The following DYSF variants were observed in gnomAD, a reference collection of about 807,000 sequenced individuals.
DYSF encodes the protein dystrophy-associated fer-1-like 1.
A neutral mutation model predicts 274.9 loss-of-function variants in DYSF; 212 were observed. The observed-to-expected ratio is 0.77, with a 90% CI of 0.69 to 0.86. DYSF has a LOEUF of 0.86. DYSF is among the 40% of genes least tolerant of loss of function. DYSF has a pLI of 0.00. For synonymous variants in DYSF, 1,091 were observed against 1,078.7 expected, an observed-to-expected ratio of 1.01 and a Z score of -0.22; for missense variants, 2,666 against 2,783.2, an observed-to-expected ratio of 0.96 and a Z score of 0.95.
At chr2:71,648,861 A>G (rs2094608600) in intron 42 of DYSF, among the ~76,000 whole-genome samples, 1 of 152,206 alleles carries the variant, frequency 6.6e-6, no homozygotes, top group South Asian at 2.1e-4. Flanking sequence ...ATATAAGATC[A>G]TCAAAGAAAG....
Position 71,660,645 on chromosome 2 carries a change from TTGGAAAGTAAATTGGGG to T in DYSF, c.4998_5003+11del. 1 of 1,613,842 alleles carries T rather than the reference TTGGAAAGTAAATTGGGG, an allele frequency of 6.2e-7. No individual in the cohort carries two copies. Among genetic ancestry groups the T allele is most frequent in the Non-Finnish European group, 8.5e-7 (1 of 1,179,788 alleles). On this transcript the variant is annotated splice_donor_variant and splice_donor_5th_base_variant and coding_sequence_variant and intron_variant, in exon 45 of 56. Transcript: ENST00000410020. LOFTEE classifies it high-confidence loss of function. ...ATCCCCTGCACGCTGGAGCCCGTAT[TTGGAAAGTAAATTGGGG>T]CATCTTGGGTCTTGGGGTGGAGGAG...
chr2:71,567,835 A>G, intron 24 of DYSF, 116 bp from the exon 25 acceptor site: 1 of 1,467,284 alleles, frequency 6.8e-7, no homozygotes. Flanking sequence ...GGACACTCCC[A>G]GTGAGGGTGT....
At chr2:71,573,429 C>T (rs2092591154) in intron 29 of DYSF, among the ~76,000 whole-genome samples, 1 of 152,154 alleles carries the variant, frequency 6.6e-6, no homozygotes, top group African/African-American at 2.4e-5. Context: ...TGGTGTCTGA[C>T]AACAGTGCCA....
At chr2:71,625,649 T>G (rs2094195164) in intron 41 of DYSF, among the ~76,000 whole-genome samples, 1 of 152,142 alleles carries the variant, frequency 6.6e-6, no homozygotes, top group Admixed American at 6.5e-5. Flanking sequence ...AGTCCTTTGC[T>G]TTTCCACTTC....
At chr2:71,484,330 G>A (rs1411312349) in intron 3 of DYSF, among the ~76,000 whole-genome samples, 3 of 151,948 alleles carry the variant, frequency 2.0e-5, no homozygotes, top group African/African-American at 7.3e-5. Context: ...TGAGATTACA[G>A]GCATGAGCCA....
chr2:71,484,528 T>G (rs977636275), intron 3 of DYSF, among the ~76,000 whole-genome samples: 6 of 152,242 alleles, frequency 3.9e-5, no homozygotes, highest in Non-Finnish European at 5.9e-5. Context: ...ATTTCAATTC[T>G]ACTCTTTTAG....
At chr2:71,525,626 A>C (rs1242297332) in intron 12 of DYSF, among the ~76,000 whole-genome samples, 1 of 152,124 alleles carries the variant, frequency 6.6e-6, no homozygotes, top group East Asian at 1.9e-4. Flanking sequence ...TGCATGTGGG[A>C]TGTGATTTTT....
chr2:71,553,751 C>CCCA, intron 20 of DYSF, 56 bp from the exon 21 acceptor site: 10 of 1,045,048 alleles, frequency 9.6e-6, no homozygotes, highest in South Asian at 1.3e-5. Flanking sequence ...CTTAGCACCC[C>CCCA]ATCCCACCCG....
At chr2:71,645,006 A>G (rs1477344492) in intron 42 of DYSF, among the ~76,000 whole-genome samples, 4 of 152,168 alleles carry the variant, frequency 2.6e-5, no homozygotes, top group Non-Finnish European at 5.9e-5. Flanking sequence ...CTAGGGGAAC[A>G]TGCAGATGGG....
chr2:71,470,783 T>G (rs1251239745), intron 1 of DYSF, among the ~76,000 whole-genome samples: 2 of 119,026 alleles, frequency 1.7e-5, no homozygotes, highest in Non-Finnish European at 3.6e-5. Context: ...CTTCCTTCCT[T>G]CATTCCTTCC....
At chr2:71,549,459 G>T in intron 17 of DYSF, 1 of 1,499,376 alleles carries the variant, frequency 6.7e-7, no homozygotes, top group Admixed American at 1.8e-5. Flanking sequence ...AGGGGCGAGG[G>T]TGCTGGAGGC....
chr2:71,538,930 C>A (rs1017115593), intron 16 of DYSF, among the ~76,000 whole-genome samples: 1 of 152,124 alleles, frequency 6.6e-6, no homozygotes, highest in Non-Finnish European at 1.5e-5. Flanking sequence ...TGGTGGTTGG[C>A]GAGATGAACT....
intron 13 of DYSF, 72 bp downstream of exon 13, chr2:71,526,418 T>TGGGGGGGGGGGGGGGGGGGGTG: frequency 1.1e-5 from 3 of 261,502 alleles, no homozygotes; most frequent in Non-Finnish European, 2.1e-5. Flanking sequence ...GGGTGGGCGA[T>TGGGGGGGGGGGGGGGGGGGGTG]GGCGGGCGGG....
chr2:71,470,199 T>C (rs1000220699), intron 1 of DYSF, among the ~76,000 whole-genome samples: 4 of 152,094 alleles, frequency 2.6e-5, no homozygotes, highest in Non-Finnish European at 5.9e-5. Context: ...CCACCTCTTC[T>C]CTTCTTGATC....
At chr2:71,597,374 A>T (rs2093430123) in intron 32 of DYSF, among the ~76,000 whole-genome samples, 1 of 152,188 alleles carries the variant, frequency 6.6e-6, no homozygotes, top group African/African-American at 2.4e-5. Flanking sequence ...GGAGAAGCTG[A>T]AGGGAGTCCC....
intron 41 of DYSF, among the ~76,000 whole-genome samples, chr2:71,639,938 G>A (rs543530199): frequency 2.2e-4 from 34 of 152,306 alleles, no homozygotes; most frequent in Non-Finnish European, 4.4e-4. Context: ...AAACACTTAC[G>A]TTGCATTTAT....
At chr2:71,617,695 TGCGTGTGTGGTAGAGGTGGG>T (rs2093922308) in intron 40 of DYSF, among the ~76,000 whole-genome samples, 1 of 110,116 alleles carries the variant, frequency 9.1e-6, no homozygotes, top group African/African-American at 3.2e-5. Flanking sequence ...GTGGGGTGTG[TGCGTGTGTGGTAGAGGTGGG>T]GTGTGTGTGT....
intron 1 of DYSF, among the ~76,000 whole-genome samples, chr2:71,473,669 G>C (rs1384922830): frequency 6.6e-6 from 1 of 152,050 alleles, no homozygotes; most frequent in Non-Finnish European, 1.5e-5. Context: ...GTAGACCTCA[G>C]GCCCACCACC....
intron 22 of DYSF, among the ~76,000 whole-genome samples, chr2:71,556,677 G>A (rs1336197869): frequency 2.6e-5 from 4 of 152,146 alleles, no homozygotes; most frequent in African/African-American, 7.2e-5. Flanking sequence ...TTTAATAAAT[G>A]GTAGCTATAA....
Sources: allele counts gnomAD v4.1 joint callset (sites outside exome capture counted in the v4.1 genomes callset), GRCh38; gene constraint gnomAD v4.1.1; transcripts MANE v1.5; gene names NCBI Gene and HGNC (gene_info 2026-07-23, HGNC 2026-07-21).